The following DAB1 variants were observed in gnomAD, a reference collection of about 807,000 sequenced individuals.
The protein encoded by DAB1 is DAB adaptor protein 1.
In DAB1, 15 loss-of-function variants were observed where a neutral mutation model predicts 64.6. That is an observed-to-expected ratio of 0.23 (90% CI 0.16 to 0.36). DAB1 has a LOEUF of 0.36. Ranked by LOEUF, DAB1 falls within the 10% of genes least tolerant of loss-of-function variation. The pLI, the probability that DAB1 is intolerant of heterozygous loss-of-function variation, is 1.00. For synonymous variants in DAB1, 235 were observed against 251.9 expected (o/e 0.93, Z 0.64); for missense variants, 596 against 706.7 (o/e 0.84, Z 1.78).
intron 9 of DAB1, among the ~76,000 whole-genome samples, chr1:57,046,687 G>A (rs1194465389): frequency 1.3e-5 from 2 of 152,214 alleles, no homozygotes; most frequent in Non-Finnish European, 2.9e-5. Context: ...AGCAGCAGCA[G>A]CAGTTAACAG....
chr1:57,314,718 G>A (rs979143730), intron 1 of DAB1, among the ~76,000 whole-genome samples: 1 of 151,600 alleles, frequency 6.6e-6, no homozygotes, highest in Admixed American at 6.6e-5. Context: ...AGGAGTCCCA[G>A]GCCAGCCTGG....
At chr1:58,164,331 G>A (rs961809505) in intron 4 of DAB1, among the ~76,000 whole-genome samples, 4 of 151,918 alleles carry the variant, frequency 2.6e-5, no homozygotes, top group African/African-American at 9.7e-5. Flanking sequence ...TTCCACTTAA[G>A]TTCTCTATTT....
intron 4 of DAB1, among the ~76,000 whole-genome samples, chr1:58,213,449 T>C (rs2100298640): frequency 6.6e-6 from 1 of 152,148 alleles, no homozygotes; most frequent in Middle Eastern, 3.4e-3. Context: ...AAACCTACAA[T>C]CACAGTGGAA....
intron 4 of DAB1, among the ~76,000 whole-genome samples, chr1:58,304,270 T>G (rs1289302512): frequency 6.6e-6 from 1 of 152,190 alleles, no homozygotes; most frequent in African/African-American, 2.4e-5. Flanking sequence ...TGGTTTTACC[T>G]GCTGGGACCA....
chr1:58,234,395 A>T (rs540360885), intron 4 of DAB1, among the ~76,000 whole-genome samples: 2 of 152,254 alleles, frequency 1.3e-5, no homozygotes, highest in Non-Finnish European at 2.9e-5. Context: ...CAGGATGCTC[A>T]GAGGCAGAGC....
intron 4 of DAB1, among the ~76,000 whole-genome samples, chr1:57,108,576 T>C (rs1655378007): frequency 6.6e-6 from 1 of 152,226 alleles, no homozygotes; most frequent in Non-Finnish European, 1.5e-5. Flanking sequence ...TGTAAGCTCC[T>C]TGAGGCAGGG....
rs11418578 is a variant in DAB1 at position 57,449,384 on chromosome 1, C to CTT, written n.626-158220_626-158219dup. ...CTTTTATCATTTTAGTGTCTATCTG[C>CTT]TTTTTTTTTTTTTTTGACGTGGTCT... is the stretch of plus-strand genomic sequence containing the variant. On this transcript the variant is annotated intron_variant and non_coding_transcript_variant, in intron 7 of 20. Transcript: ENST00000485760. Among the ~76,000 whole-genome samples, 381 of 139,600 alleles carry CTT rather than the reference C, an allele frequency of 2.7e-3. 4 individuals are homozygous for CTT. Among genetic ancestry groups the CTT allele is most frequent in the Non-Finnish European group, 3.5e-3 (226 of 64,988 alleles). The allele number at this position is 139,600 out of a possible 152,430, so 91.6% of individuals were successfully genotyped here. A position where few individuals can be genotyped will look rare whatever the true frequency, so the allele number is the denominator to read the frequency against.
chr1:58,008,425 G>T (rs772001531), intron 5 of DAB1, among the ~76,000 whole-genome samples: 42 of 152,214 alleles, frequency 2.8e-4, no homozygotes, highest in South Asian at 2.1e-4. Flanking sequence ...GTTAAGTAAG[G>T]ATCCCTAAAG....
chr1:57,729,978 A>G (rs1409348185), intron 6 of DAB1, among the ~76,000 whole-genome samples: 1 of 152,242 alleles, frequency 6.6e-6, no homozygotes, highest in African/African-American at 2.4e-5. Context: ...AGCACAGTTA[A>G]GCTGAATCAG....
intron 4 of DAB1, among the ~76,000 whole-genome samples, chr1:58,158,102 C>T (rs938923179): frequency 1.3e-5 from 2 of 149,748 alleles, no homozygotes; most frequent in South Asian, 2.1e-4. Context: ...GGTTCACCCA[C>T]CTTCCCTTTT....
chr1:58,297,228 A>G (rs1242526953), intron 4 of DAB1, among the ~76,000 whole-genome samples: 2 of 152,202 alleles, frequency 1.3e-5, no homozygotes, highest in African/African-American at 4.8e-5. Context: ...TAGAGTTGTG[A>G]GAATTAAGTG....
chr1:57,285,158 C>T (rs1470591239), intron 2 of DAB1, among the ~76,000 whole-genome samples: 1 of 152,184 alleles, frequency 6.6e-6, no homozygotes, highest in African/African-American at 2.4e-5. Flanking sequence ...TGATGGTGAA[C>T]TGTGATTTCA....
chr1:58,070,027 A>G (rs775691358), intron 5 of DAB1, among the ~76,000 whole-genome samples: 1 of 152,214 alleles, frequency 6.6e-6, no homozygotes, highest in Admixed American at 6.5e-5. Flanking sequence ...GGGAAGCAGC[A>G]TGGAGAGAAG....
intron 3 of DAB1, chr1:58,480,987 A>G: frequency 1.2e-6 from 1 of 869,528 alleles, no homozygotes; most frequent in Non-Finnish European, 2.0e-6. Context: ...TCTTTTCTCA[A>G]CTATGTATGT....
At chr1:57,675,939 C>T (rs3126032) in intron 6 of DAB1, among the ~76,000 whole-genome samples, 151,224 of 152,274 alleles carry the variant, frequency 0.99, 75,092 homozygotes, top group Middle Eastern at 1. Flanking sequence ...GGACAGACAG[C>T]TAAGCCAGTA....
chr1:57,188,362 AGT>A (rs1404460334), intron 2 of DAB1, among the ~76,000 whole-genome samples: 1 of 152,176 alleles, frequency 6.6e-6, no homozygotes, highest in Admixed American at 6.5e-5. Flanking sequence ...ATAGTGGTTC[AGT>A]GTGAGTAATC....
intron 5 of DAB1, among the ~76,000 whole-genome samples, chr1:57,980,069 A>C (rs1365996231): frequency 6.6e-6 from 1 of 152,156 alleles, no homozygotes; most frequent in African/African-American, 2.4e-5. Flanking sequence ...ATATCAGATC[A>C]AGGCACTCTC....
intron 1 of DAB1, among the ~76,000 whole-genome samples, chr1:57,313,472 T>A (rs372397083): frequency 2.6e-5 from 4 of 152,316 alleles, no homozygotes; most frequent in African/African-American, 9.6e-5. Flanking sequence ...GAAGTGAAAA[T>A]CTATTTGTGG....
At chr1:57,546,102 C>CGT (rs1644854027) in intron 7 of DAB1, among the ~76,000 whole-genome samples, 2 of 142,884 alleles carry the variant, frequency 1.4e-5, no homozygotes, top group Admixed American at 6.9e-5. Context: ...TGTGTGTGCG[C>CGT]GCACGTGTGC....
Sources: gnomAD v4.1 joint callset for allele counts (sites outside exome capture counted in the v4.1 genomes callset) on GRCh38, gnomAD v4.1.1 for gene constraint, MANE v1.5 for transcripts, NCBI Gene and HGNC (gene_info 2026-07-23, HGNC 2026-07-21) for gene names.